AGBL4: variants seen among roughly 807,000 people sequenced by gnomAD.
AGBL4 encodes AGBL carboxypeptidase 4.
A neutral mutation model predicts 66.4 loss-of-function variants in AGBL4; 58 were observed. The observed-to-expected ratio is 0.87, with a 90% CI of 0.71 to 1.09. The LOEUF (loss-of-function observed/expected upper bound fraction) is 1.09, where lower values mean the gene tolerates loss of function less well. Among genes scored for constraint, AGBL4 ranks in the 50% least tolerant of loss-of-function variants. AGBL4 has a pLI of 0.00. For synonymous variants in AGBL4, 234 were observed against 222.9 expected (o/e 1.05, Z -0.44); for missense variants, 579 against 631.0 (o/e 0.92, Z 0.88).
intron 3 of AGBL4, among the ~76,000 whole-genome samples, chr1:49,373,686 T>C (rs1440251739): frequency 6.6e-6 from 1 of 152,116 alleles, no homozygotes; most frequent in African/African-American, 2.4e-5. Flanking sequence ...ATATAATTAT[T>C]CAAAGTTCTC....
chr1:49,010,270 C>A, intron 5 of AGBL4, among the ~76,000 whole-genome samples: 1 of 137,960 alleles, frequency 7.2e-6, no homozygotes, highest in African/African-American at 2.8e-5. Flanking sequence ...GAGTGAACTC[C>A]CATTCACAAT....
At chr1:49,310,282 C>A (rs1300153297) in intron 3 of AGBL4, among the ~76,000 whole-genome samples, 1 of 151,974 alleles carries the variant, frequency 6.6e-6, no homozygotes, top group Non-Finnish European at 1.5e-5. Context: ...TTTGAACAGA[C>A]AAATGATATG....
chr1:48,998,138 T>G (rs1049096081), intron 5 of AGBL4, among the ~76,000 whole-genome samples: 1 of 152,202 alleles, frequency 6.6e-6, no homozygotes, highest in African/African-American at 2.4e-5. Flanking sequence ...CGATTATCCC[T>G]TTCTGCCTTC....
At chr1:49,655,622 C>A (rs918675674) in intron 3 of AGBL4, among the ~76,000 whole-genome samples, 1 of 151,914 alleles carries the variant, frequency 6.6e-6, no homozygotes, top group African/African-American at 2.4e-5. Flanking sequence ...AAATTGACAC[C>A]CTCACATCAC....
intron 6 of AGBL4, among the ~76,000 whole-genome samples, chr1:48,664,309 A>G (rs578091182): frequency 6.6e-6 from 1 of 152,292 alleles, no homozygotes; most frequent in African/African-American, 2.4e-5. Flanking sequence ...TGATGTCAGG[A>G]AAAAATGATC....
intron 3 of AGBL4, among the ~76,000 whole-genome samples, chr1:49,653,764 A>G (rs1367877165): frequency 2.0e-5 from 3 of 151,756 alleles, no homozygotes; most frequent in Non-Finnish European, 4.4e-5. Context: ...AAGGTAGATG[A>G]GATTAGAGAA....
At chr1:48,708,841 C>A (rs575906693) in intron 6 of AGBL4, among the ~76,000 whole-genome samples, 1 of 152,334 alleles carries the variant, frequency 6.6e-6, no homozygotes, top group East Asian at 1.9e-4. Context: ...CCCTTGGCCT[C>A]CCTGTCTGGG....
intron 4 of AGBL4, among the ~76,000 whole-genome samples, chr1:49,064,243 AT>A (rs1204161676): frequency 3.3e-5 from 5 of 152,294 alleles, no homozygotes; most frequent in African/African-American, 1.2e-4. Context: ...ATCCACATCT[AT>A]TTCCTCTTCT....
intron 1 of AGBL4, among the ~76,000 whole-genome samples, chr1:49,916,101 G>A (rs920870294): frequency 8.5e-5 from 13 of 152,100 alleles, no homozygotes; most frequent in African/African-American, 2.7e-4. Context: ...CATCATCAAA[G>A]ACCAAAGGTA....
At chr1:48,826,877 C>T (rs1287224914) in intron 6 of AGBL4, among the ~76,000 whole-genome samples, 1 of 152,176 alleles carries the variant, frequency 6.6e-6, no homozygotes, top group Non-Finnish European at 1.5e-5. Flanking sequence ...CATCACTTCA[C>T]ACTCTCCTCT....
intron 7 of AGBL4, 97 bp from the exon 8 acceptor site, chr1:48,653,548 G>T (rs1184252040): frequency 2.2e-6 from 2 of 909,182 alleles, no homozygotes; most frequent in South Asian, 1.6e-5. Flanking sequence ...CTCAATAGGT[G>T]ATTTTGGCCT....
chr1:48,653,438 G>A lies in AGBL4; in HGVS notation c.738C>T (p.Phe246=). The change falls in exon 8 of 14, where the codon TTC becomes TTT. Residue 246 remains phenylalanine (F), a synonymous_variant. Coordinates refer to ENST00000371839, the MANE Select transcript of AGBL4 (RefSeq NM_032785.4). ...SSFVCQGIID[F]LVSQHPIACV... is the part of the protein sequence containing the mutation. ...AGGCAATAGGGTGCTGGCTTACAAG[G>A]AAGTCAATGATCCCTAGGGAAAGAG... is the stretch of plus-strand genomic sequence containing the variant. 6.3e-7 allele frequency: 1 copy of A among 1,577,356 alleles called. No individual in the cohort carries two copies. Among genetic ancestry groups the A allele is most frequent in the Non-Finnish European group, 8.6e-7 (1 of 1,160,428 alleles).
At chr1:49,268,193 C>T (rs1468872947) in intron 3 of AGBL4, 1 of 152,060 alleles carries the variant, frequency 6.6e-6, no homozygotes, top group Non-Finnish European at 1.5e-5. Flanking sequence ...GAATTTCCAC[C>T]TATACTCACT....
chr1:49,346,933 T>A (rs938687135), intron 3 of AGBL4, among the ~76,000 whole-genome samples: 1 of 152,220 alleles, frequency 6.6e-6, no homozygotes, highest in Non-Finnish European at 1.5e-5. Flanking sequence ...TATTTATGGT[T>A]AAGGGAGCAG....
chr1:49,004,526 T>C (rs563759268), intron 5 of AGBL4, among the ~76,000 whole-genome samples: 4 of 152,156 alleles, frequency 2.6e-5, no homozygotes, highest in Non-Finnish European at 5.9e-5. Context: ...CTAGGGAACA[T>C]CTCATCTATA....
Position 49,456,886 on chromosome 1 carries a change from C to G in AGBL4, c.283-211022G>C, listed in dbSNP as rs570400780. On this transcript the variant is annotated intron_variant, in intron 3 of 13. Transcript: ENST00000371839. ...ATAGTCTCCAATTCCATCTGGTTTG[C>G]TGTGAATACCACTATTTTGTTTCTT... is the stretch of plus-strand genomic sequence containing the variant. Among the ~76,000 whole-genome samples, 7 of 151,742 alleles carry G rather than the reference C, an allele frequency of 4.6e-5. 1 individual carries two copies. Among genetic ancestry groups the G allele is most frequent in the African/African-American group, 1.7e-4 (7 of 41,378 alleles).
chr1:49,303,217 G>T (rs945100978), intron 3 of AGBL4, among the ~76,000 whole-genome samples: 4 of 152,144 alleles, frequency 2.6e-5, no homozygotes, highest in Non-Finnish European at 5.9e-5. Flanking sequence ...CTGGTTCTAG[G>T]TCTTTGAGGA....
chr1:49,537,036 T>C (rs1651650316), intron 3 of AGBL4, among the ~76,000 whole-genome samples: 1 of 151,014 alleles, frequency 6.6e-6, no homozygotes, highest in South Asian at 2.1e-4. Context: ...CAGAAACATA[T>C]GCCAGGCAAA....
At chr1:49,755,883 C>T (rs1212022727) in intron 2 of AGBL4, among the ~76,000 whole-genome samples, 1 of 152,172 alleles carries the variant, frequency 6.6e-6, no homozygotes, top group Non-Finnish European at 1.5e-5. Flanking sequence ...ATGTCACTCA[C>T]CTCTTCAAAT....
Sources: gnomAD v4.1 joint callset for allele counts (sites outside exome capture counted in the v4.1 genomes callset) on GRCh38, gnomAD v4.1.1 for gene constraint, MANE v1.5 for transcripts, NCBI Gene and HGNC (gene_info 2026-07-23, HGNC 2026-07-21) for gene names.